KCNIP1: variants seen among roughly 807,000 people sequenced by gnomAD.
KCNIP1 encodes the protein potassium voltage-gated channel interacting protein 1.
In KCNIP1, 18 loss-of-function variants were observed where a neutral mutation model predicts 33.0. The observed-to-expected ratio is 0.55, with a 90% confidence interval of 0.38 to 0.81. The LOEUF (loss-of-function observed/expected upper bound fraction) is 0.81. Ranked by LOEUF, KCNIP1 falls within the 30% of genes least tolerant of loss-of-function variation. The pLI is 0.00. For synonymous variants in KCNIP1, 93 were observed against 98.3 expected (o/e 0.95, Z 0.32); for missense variants, 238 against 271.6 (o/e 0.88, Z 0.87).
chr5:170,497,571 C>G (rs1048320799), intron 1 of KCNIP1, among the ~76,000 whole-genome samples: 1 of 152,184 alleles, frequency 6.6e-6, no homozygotes, highest in African/African-American at 2.4e-5. Flanking sequence ...TTATCAGATA[C>G]TTACAGTTTG....
At chr5:170,467,317 G>A (rs1276427048) in intron 1 of KCNIP1, among the ~76,000 whole-genome samples, 1 of 152,146 alleles carries the variant, frequency 6.6e-6, no homozygotes, top group East Asian at 1.9e-4. Flanking sequence ...CAAGCTGAGA[G>A]GAAACAATTA....
intron 1 of KCNIP1, among the ~76,000 whole-genome samples, chr5:170,462,264 C>CAAAAAAAAAAAAAAAAAAAAAAAAAA (rs760686464): frequency 9.6e-5 from 5 of 52,040 alleles, no homozygotes; most frequent in Admixed American, 2.3e-4. Flanking sequence ...AACAAATTAG[C>CAAAAAAAAAAAAAAAAAAAAAAAAAA]AAAAAAAAAA....
Position 170,459,965 on chromosome 5 carries a change from G to A in KCNIP1, c.88+106001G>A, listed in dbSNP as rs1238747989. ...AGCAAGATTAACCAAGATAGGAAGA[G>A]AGAAAATCCAAATAAGCTCAATTAG... On this transcript the variant is annotated intron_variant, in intron 1 of 7. Coordinates refer to the KCNIP1 transcript ENST00000377360. Among the ~76,000 whole-genome samples the A allele has an allele frequency of 2.0e-5, 3 of 152,140 alleles. No individual in the cohort carries two copies. The South Asian group carries it at 6.2e-4, about 31-fold the overall frequency.
intron 1 of KCNIP1, among the ~76,000 whole-genome samples, chr5:170,518,116 G>A (rs971087567): frequency 2.6e-5 from 4 of 152,050 alleles, no homozygotes; most frequent in African/African-American, 9.7e-5. Context: ...GAAAGGTGGT[G>A]ATGGTGGCAG....
At chr5:170,634,872 G>T (rs1486766199) in intron 1 of KCNIP1, among the ~76,000 whole-genome samples, 7 of 152,166 alleles carry the variant, frequency 4.6e-5, no homozygotes, top group Non-Finnish European at 8.8e-5. Context: ...GCAGCTCCAG[G>T]CTGGCAACCC....
intron 1 of KCNIP1, among the ~76,000 whole-genome samples, chr5:170,530,253 A>C (rs1424587994): frequency 2.0e-5 from 3 of 152,180 alleles, no homozygotes; most frequent in Non-Finnish European, 4.4e-5. Context: ...ACTCAAAGAC[A>C]GGATTATTAT....
intron 1 of KCNIP1, among the ~76,000 whole-genome samples, chr5:170,496,931 G>T (rs1306653839): frequency 1.3e-5 from 2 of 151,940 alleles, no homozygotes; most frequent in East Asian, 3.9e-4. Context: ...TACCCTCCTA[G>T]TCTGATCTAG....
chr5:170,652,478 C>A, intron 1 of KCNIP1, among the ~76,000 whole-genome samples: 3 of 74,948 alleles, frequency 4.0e-5, no homozygotes, highest in Middle Eastern at 5.3e-3. Flanking sequence ...GATTGAGACC[C>A]TATTAAAAAA....
chr5:170,418,935 C>A (rs1755405404), intron 1 of KCNIP1, among the ~76,000 whole-genome samples: 1 of 152,232 alleles, frequency 6.6e-6, no homozygotes. Context: ...TGGAAGCTAT[C>A]ATTTTTCACG....
intron 1 of KCNIP1, among the ~76,000 whole-genome samples, chr5:170,436,491 G>T (rs763472677): frequency 6.6e-6 from 1 of 152,226 alleles, no homozygotes; most frequent in Non-Finnish European, 1.5e-5. Context: ...CTCAGTCTTG[G>T]GTCAGCACTG....
At chr5:170,663,714 T>A (rs1386120510) in intron 1 of KCNIP1, among the ~76,000 whole-genome samples, 1 of 151,978 alleles carries the variant, frequency 6.6e-6, no homozygotes, top group Non-Finnish European at 1.5e-5. Flanking sequence ...TTTCCTCCCC[T>A]ACACCCCTAA....
intron 1 of KCNIP1, among the ~76,000 whole-genome samples, chr5:170,539,432 C>A (rs191041640): frequency 6.6e-6 from 1 of 152,256 alleles, no homozygotes; most frequent in Non-Finnish European, 1.5e-5. Context: ...CAACACCAAG[C>A]TTTTTCCTGC....
intron 1 of KCNIP1, chr5:170,483,169 C>A: frequency 2.4e-6 from 1 of 421,596 alleles, no homozygotes; most frequent in Non-Finnish European, 4.7e-6. Flanking sequence ...ACTCGCCCTG[C>A]CTCTCATCCA....
At chr5:170,383,062 A>G (rs1228583143) in intron 1 of KCNIP1, 1 of 152,830 alleles carries the variant, frequency 6.5e-6, no homozygotes, top group Non-Finnish European at 1.5e-5. Context: ...GAAGGAAGGA[A>G]GAGAGACAGA....
chr5:170,709,343 T>C (rs1763367668), intron 1 of KCNIP1, among the ~76,000 whole-genome samples: 1 of 152,214 alleles, frequency 6.6e-6, no homozygotes, highest in Admixed American at 6.5e-5. Flanking sequence ...TTAGTACATA[T>C]TAATTTAGAA....
intron 1 of KCNIP1, among the ~76,000 whole-genome samples, chr5:170,662,500 C>T (rs1267181356): frequency 6.6e-6 from 1 of 152,172 alleles, no homozygotes; most frequent in Non-Finnish European, 1.5e-5. Flanking sequence ...GCTAATCTCT[C>T]GGAGAATCTC....
intron 1 of KCNIP1, among the ~76,000 whole-genome samples, chr5:170,707,421 G>T: frequency 6.6e-6 from 1 of 152,178 alleles, no homozygotes; most frequent in Non-Finnish European, 1.5e-5. Context: ...CTGGAATCTA[G>T]ATAATTCCTT....
chr5:170,559,991 A>T (rs576874396), intron 1 of KCNIP1, among the ~76,000 whole-genome samples: 110 of 152,174 alleles, frequency 7.2e-4, no homozygotes, highest in Non-Finnish European at 1.5e-3. Context: ...AAATTCAACT[A>T]CTTGGTAATT....
intron 1 of KCNIP1, among the ~76,000 whole-genome samples, chr5:170,646,921 A>C (rs952846807): frequency 6.6e-6 from 1 of 152,198 alleles, no homozygotes; most frequent in Non-Finnish European, 1.5e-5. Flanking sequence ...TAATATACAA[A>C]AGTCGATCAC....
Sources: allele counts gnomAD v4.1 joint callset (sites outside exome capture counted in the v4.1 genomes callset), GRCh38; gene constraint gnomAD v4.1.1; transcripts MANE v1.5; gene names NCBI Gene and HGNC (gene_info 2026-07-23, HGNC 2026-07-21).